Variants in PHF24 observed in about 807,000 individuals in gnomAD.
The protein encoded by PHF24 is PHD finger protein 24.
A neutral mutation model predicts 42.6 loss-of-function variants in PHF24; 25 were observed. The observed-to-expected ratio is 0.59, with a 90% CI of 0.43 to 0.82. The LOEUF (loss-of-function observed/expected upper bound fraction) is 0.82, where lower values mean the gene tolerates loss of function less well. PHF24 is among the 40% of genes least tolerant of loss of function. PHF24 has a pLI of 0.00. For missense variants in PHF24, 470 were observed against 538.1 expected (o/e 0.87, Z 1.25); for synonymous variants, 185 against 204.8 (o/e 0.90, Z 0.83).
At chr9:34,673,150 G>A in the PHF24 span, among the ~76,000 whole-genome samples, 15 of 152,196 alleles carry the variant, frequency 9.9e-5, no homozygotes, top group Admixed American at 4.6e-4. Flanking sequence ...GGGGTCAGAA[G>A]TTTGACACCA....
chr9:34,777,577 C>T, the PHF24 span, among the ~76,000 whole-genome samples: 2 of 152,162 alleles, frequency 1.3e-5, no homozygotes, highest in African/African-American at 2.4e-5. Context: ...ATGCCTCTCA[C>T]ATTTCAATTC....
At chr9:34,927,029 T>G in the PHF24 span, among the ~76,000 whole-genome samples, 1 of 152,102 alleles carries the variant, frequency 6.6e-6, no homozygotes, top group Admixed American at 6.5e-5. Flanking sequence ...GTTTCTCCGG[T>G]CCTGAGCATG....
At chr9:34,834,503 G>C in the PHF24 span, 1 of 1,540,136 alleles carries the variant, frequency 6.5e-7, no homozygotes, top group Admixed American at 2.0e-5. Flanking sequence ...ATGGCGAATC[G>C]ACTGTTTCTG....
the PHF24 span, chr9:34,894,617 C>G: frequency 2.3e-5 from 9 of 397,464 alleles, no homozygotes; most frequent in Non-Finnish European, 3.5e-5. Flanking sequence ...AGTCAGAACA[C>G]TAAGTCACAT....
At chr9:34,775,562 C>T in the PHF24 span, among the ~76,000 whole-genome samples, 1 of 152,076 alleles carries the variant, frequency 6.6e-6, no homozygotes, top group Non-Finnish European at 1.5e-5. Context: ...TATTTTACTA[C>T]AATAAAAATA....
chr9:34,939,183 GAC>G, the PHF24 span, among the ~76,000 whole-genome samples: 1 of 152,128 alleles, frequency 6.6e-6, no homozygotes, highest in Non-Finnish European at 1.5e-5. Flanking sequence ...GGGAGGCTGA[GAC>G]AGAGAATTGC....
chr9:34,877,748 T>A, the PHF24 span, among the ~76,000 whole-genome samples: 1 of 152,126 alleles, frequency 6.6e-6, no homozygotes, highest in Non-Finnish European at 1.5e-5. Context: ...TTATATACTT[T>A]AAGTTCTGGG....
chr9:34,776,637 G>T, the PHF24 span, among the ~76,000 whole-genome samples: 4 of 152,100 alleles, frequency 2.6e-5, no homozygotes, highest in African/African-American at 9.7e-5. Context: ...GAATTCTCTT[G>T]TATCTCACTG....
chr9:34,824,292 C>T, the PHF24 span, among the ~76,000 whole-genome samples: 2 of 152,210 alleles, frequency 1.3e-5, no homozygotes, highest in Non-Finnish European at 2.9e-5. Context: ...TCTTCCCAAA[C>T]AAGATGCCCC....
At chr9:34,673,812 G>A in the PHF24 span, among the ~76,000 whole-genome samples, 8 of 152,158 alleles carry the variant, frequency 5.3e-5, no homozygotes, top group East Asian at 3.9e-4. Flanking sequence ...TAGTAGAGAC[G>A]GGGTTTCACC....
the PHF24 span, among the ~76,000 whole-genome samples, chr9:34,785,212 T>C: frequency 6.6e-6 from 1 of 152,218 alleles, no homozygotes; most frequent in South Asian, 2.1e-4. Flanking sequence ...TGCTGTGTGC[T>C]CCAGAAGGGA....
At chr9:34,889,546 T>A in the PHF24 span, 1 of 398,574 alleles carries the variant, frequency 2.5e-6, no homozygotes, top group Non-Finnish European at 4.4e-6. Context: ...GAAAGGAGAA[T>A]GGATTCCTCA....
the PHF24 span, chr9:34,917,259 A>G: frequency 4.4e-6 from 5 of 1,126,720 alleles, no homozygotes; most frequent in African/African-American, 4.6e-5. Flanking sequence ...AGTCCGGGTC[A>G]TGTATATCTG....
chr9:34,832,760 C>T, the PHF24 span: 5 of 1,550,284 alleles, frequency 3.2e-6, no homozygotes, highest in Non-Finnish European at 4.4e-6. Context: ...TTTGGCCCTG[C>T]AAAGGCTTAG....
At chr9:34,716,426 C>A in the PHF24 span, among the ~76,000 whole-genome samples, 3 of 152,144 alleles carry the variant, frequency 2.0e-5, no homozygotes, top group Admixed American at 2.0e-4. Flanking sequence ...GAGTAGGGCA[C>A]TGCTTGCATT....
chr9:34,755,716 G>A, the PHF24 span, among the ~76,000 whole-genome samples: 1 of 152,072 alleles, frequency 6.6e-6, no homozygotes, highest in Non-Finnish European at 1.5e-5. Flanking sequence ...AGCAATCATA[G>A]CTCACTCTAA....
At chr9:34,696,350 C>T in the PHF24 span, among the ~76,000 whole-genome samples, 66 of 151,932 alleles carry the variant, frequency 4.3e-4, no homozygotes, top group African/African-American at 1.5e-3. Context: ...TAGCCAGGCA[C>T]GCTGGCGAGT....
At chr9:34,924,863 A>C in the PHF24 span, among the ~76,000 whole-genome samples, 10 of 151,796 alleles carry the variant, frequency 6.6e-5, no homozygotes, top group African/African-American at 1.9e-4. Context: ...CACCTCTCTT[A>C]TTGTTTATTT....
At chr9:34,978,198 G>A (rs1315380264) in exon 8 of PHF24, 4 of 1,035,130 alleles carry the variant, frequency 3.9e-6, no homozygotes, top group Non-Finnish European at 6.0e-6. Flanking sequence ...CTGGCACAGA[G>A]ACTCATGGGG....
Sources: allele counts gnomAD v4.1 joint callset (sites outside exome capture counted in the v4.1 genomes callset), GRCh38; gene constraint gnomAD v4.1.1; transcripts MANE v1.5; gene names NCBI Gene and HGNC (gene_info 2026-07-23, HGNC 2026-07-21).